TMEM150C: variants seen among roughly 807,000 people sequenced by gnomAD.
TMEM150C encodes tentonin 3.
Under a neutral mutation model 29.9 loss-of-function variants are expected in TMEM150C, and 10 were observed. The ratio of observed to expected loss-of-function variants is 0.33; its 90% confidence interval spans 0.21 to 0.57. The LOEUF (loss-of-function observed/expected upper bound fraction) is 0.57, where lower values mean the gene tolerates loss of function less well. Among genes scored for constraint, TMEM150C ranks in the 20% least tolerant of loss-of-function variants. The probability of loss-of-function intolerance (pLI) is 0.88; values close to 1 mark genes in which losing one functional copy is unlikely to be tolerated. For synonymous variants in TMEM150C, 101 were observed against 112.5 expected, an observed-to-expected ratio of 0.90 and a Z score of 0.64; for missense variants, 251 against 303.6, an observed-to-expected ratio of 0.83 and a Z score of 1.29.
intron 1 of TMEM150C, among the ~76,000 whole-genome samples, chr4:82,535,461 T>C (rs1330606612): frequency 6.6e-6 from 1 of 151,938 alleles, no homozygotes; most frequent in African/African-American, 2.4e-5. Context: ...AGTTTTGGCA[T>C]GAGATTTGGA....
chr4:82,526,800 T>C (rs1724666034), intron 1 of TMEM150C, among the ~76,000 whole-genome samples: 1 of 152,180 alleles, frequency 6.6e-6, no homozygotes, highest in Non-Finnish European at 1.5e-5. Flanking sequence ...CTTTCGATCT[T>C]TACTGATAGT....
Position 82,502,742 on chromosome 4 carries a change from T to G in TMEM150C, c.220A>C (p.Met74Leu), listed in dbSNP as rs377169352. Residue 74 changes from methionine to leucine, a missense_variant, in exon 5 of 8, where the codon ATG (methionine) becomes CTG (leucine). Physicochemically the swap from Met to Leu is conservative, Grantham distance 15. Coordinates refer to ENST00000449862, the MANE Select transcript of TMEM150C (RefSeq NM_001080506.3). ...ASCVFSQVMN[M>L]AAFLALVVAV... ...CTCTTCTTACCTAGGAAGGCTGCCA[T>G]GTTCATAACTTGACTAAACACACAG... 3.7e-6 allele frequency: 6 copies of G among 1,610,106 alleles called. No individual in the cohort carries two copies. In the African/African-American group the frequency reaches 8.0e-5, roughly 21 times the overall value.
At chr4:82,537,126 C>G (rs1209652874) in intron 1 of TMEM150C, among the ~76,000 whole-genome samples, 4 of 152,076 alleles carry the variant, frequency 2.6e-5, no homozygotes, top group South Asian at 2.1e-4. Context: ...AGACTACAGG[C>G]GCCAGCCACC....
chr4:82,485,507 T>C lies in TMEM150C; in HGVS notation c.*4A>G, dbSNP rs781520283. On this transcript the variant is annotated 3_prime_UTR_variant, in exon 8 of 8. Transcript: ENST00000449862. ...CACCTCACCAGCAAGGAAAAACTGA[T>C]GGTTTACACCTGGTCAGTCTGATAT... 3 of 1,589,624 alleles carry C rather than the reference T, an allele frequency of 1.9e-6. No homozygotes were observed. Among genetic ancestry groups the C allele is most frequent in the South Asian group, 2.3e-5 (2 of 87,216 alleles).
At chr4:82,532,943 T>C (rs1204498702) in intron 1 of TMEM150C, among the ~76,000 whole-genome samples, 1 of 152,152 alleles carries the variant, frequency 6.6e-6, no homozygotes, top group Non-Finnish European at 1.5e-5. Flanking sequence ...TTAGCCAGGA[T>C]GGTCTCGATC....
At position 82,561,987 on chromosome 4, in the gene TMEM150C, G is replaced by A. The variant is rs1431663166; in HGVS notation, c.-92C>T. 2 of 1,113,170 alleles carry A rather than the reference G, an allele frequency of 1.8e-6. No homozygotes were observed. The highest frequency in any genetic ancestry group is 1.9e-5 in the South Asian group (1 of 53,254). 69.0% of individuals were successfully genotyped at this position (1,113,170 alleles called of 1,614,324 possible). ...GCGGCGGCGGCAGCAGTAGCGGCGG[G>A]TAGGGCGCTTCCTTCAGGAAGGGGT... On this transcript the variant is annotated 5_prime_UTR_variant, in exon 1 of 8. Coordinates refer to ENST00000449862, the MANE Select transcript of TMEM150C (RefSeq NM_001080506.3).
chr4:82,511,679 C>A (rs1454125493), intron 1 of TMEM150C, among the ~76,000 whole-genome samples: 1 of 151,946 alleles, frequency 6.6e-6, no homozygotes. Context: ...ATTGCCCAGG[C>A]TGGTCCTGAA....
intron 1 of TMEM150C, among the ~76,000 whole-genome samples, chr4:82,536,672 T>C (rs1389099465): frequency 6.6e-6 from 1 of 151,552 alleles, no homozygotes; most frequent in African/African-American, 2.4e-5. Context: ...AGCCCAGGAG[T>C]TGGAGACCAG....
chr4:82,515,513 CAGATTACGAGGTCAGG>C (rs1028559180), intron 1 of TMEM150C, among the ~76,000 whole-genome samples: 5 of 151,844 alleles, frequency 3.3e-5, no homozygotes, highest in African/African-American at 1.2e-4. Flanking sequence ...CCGAGGTGGG[CAGATTACGAGGTCAGG>C]AGATGGAGAC....
chr4:82,519,023 C>T (rs1724388924), intron 1 of TMEM150C, among the ~76,000 whole-genome samples: 1 of 152,164 alleles, frequency 6.6e-6, no homozygotes, highest in Non-Finnish European at 1.5e-5. Flanking sequence ...GAAGTTGAAC[C>T]ATTAGCATTC....
intron 1 of TMEM150C, among the ~76,000 whole-genome samples, chr4:82,506,854 T>C (rs950949817): frequency 1.3e-5 from 2 of 152,130 alleles, no homozygotes; most frequent in Non-Finnish European, 2.9e-5. Flanking sequence ...GGAGTGATGA[T>C]TGAGTAAGTA....
At chr4:82,504,978 C>T (rs1006910427) in intron 1 of TMEM150C, among the ~76,000 whole-genome samples, 3 of 151,912 alleles carry the variant, frequency 2.0e-5, no homozygotes, top group African/African-American at 4.8e-5. Context: ...TGCAGTGAGC[C>T]GAGATCGCGC....
At chr4:82,507,222 A>G (rs981613763) in intron 1 of TMEM150C, among the ~76,000 whole-genome samples, 3 of 152,188 alleles carry the variant, frequency 2.0e-5, no homozygotes, top group East Asian at 3.9e-4. Context: ...AATGTTAACT[A>G]TTGTTACAAC....
chr4:82,492,864 G>GTGTATATA (rs71666742), intron 6 of TMEM150C, among the ~76,000 whole-genome samples: 43 of 90,266 alleles, frequency 4.8e-4, no homozygotes, highest in East Asian at 2.1e-3. Context: ...ATATGTTTGT[G>GTGTATATA]TATATATATA....
rs1726555005 is a variant in TMEM150C, at chr4:82,485,527, T to A, written c.734A>T (p.Gln245Leu). The part of the protein sequence containing the change: ...SESLSEASEY[Q>L]TDQV ...ACTGATGGTTTACACCTGGTCAGTC[T>A]GATATTCAGAAGCTTCTGACAGGCT... is the stretch of plus-strand genomic sequence containing the variant. The change falls in exon 8 of 8, where the codon CAG becomes CTG. Residue 245 changes from glutamine (Q) to leucine (L), a missense_variant. Gln to Leu is a moderately radical substitution (Grantham distance 113, BLOSUM62 -2). Coordinates refer to ENST00000449862, the MANE Select transcript of TMEM150C (RefSeq NM_001080506.3). 4.4e-6 allele frequency: 7 copies of A among 1,601,676 alleles called. No homozygotes were observed. Among genetic ancestry groups the A allele is most frequent in the Non-Finnish European group, 6.0e-6 (7 of 1,173,948 alleles).
At chr4:82,515,567 T>C (rs1402946981) in intron 1 of TMEM150C, among the ~76,000 whole-genome samples, 3 of 151,708 alleles carry the variant, frequency 2.0e-5, no homozygotes, top group African/African-American at 7.3e-5. Flanking sequence ...TGAAACCCCG[T>C]CTCTACTAAA....
Position 82,484,336 on chromosome 4 carries a change from G to C in TMEM150C, c.*1175C>G, listed in dbSNP as rs895933365. ...GGGTTGGCTAGCAGGGGGGCCAGCTGTGTCAATTTGGTTTTTAGGAAGGGT... is the reference window on the plus strand; with the variant it reads ...GGGTTGGCTAGCAGGGGGGCCAGCTCTGTCAATTTGGTTTTTAGGAAGGGT... On this transcript the variant is annotated 3_prime_UTR_variant, in exon 8 of 8. Coordinates refer to ENST00000449862, the MANE Select transcript of TMEM150C (RefSeq NM_001080506.3). The C allele has an allele frequency of 6.6e-6, 1 of 151,280 alleles. No homozygotes were observed. The highest frequency in any genetic ancestry group is 6.6e-5 in the Admixed American group (1 of 15,138). The allele number at this position is 151,280 out of a possible 1,614,324, so 9.4% of individuals were successfully genotyped here.
intron 1 of TMEM150C, among the ~76,000 whole-genome samples, chr4:82,533,646 T>C (rs1724920772): frequency 6.6e-6 from 1 of 152,214 alleles, no homozygotes; most frequent in Non-Finnish European, 1.5e-5. Context: ...TTTAACTCCA[T>C]CTTTTCAATA....
At position 82,490,320 on chromosome 4, in the gene TMEM150C, G is replaced by A. The variant is rs1374879825; in HGVS notation, c.364-82C>T. On this transcript the variant is annotated intron_variant, in intron 6 of 7. Transcript: ENST00000449862. ...AGTTGAAGGAATGAATATATGAGGG[G>A]AAAAGATAGGAAAAGAAATATCCCA... 12 of 1,138,056 alleles carry A rather than the reference G, an allele frequency of 1.1e-5. No homozygotes were observed. In the Admixed American group the frequency reaches 2.4e-4, roughly 23 times the overall value. The allele number at this position is 1,138,056 out of a possible 1,614,324, so 70.5% of individuals were successfully genotyped here.
Sources: gnomAD v4.1 joint callset for allele counts (sites outside exome capture counted in the v4.1 genomes callset) on GRCh38, gnomAD v4.1.1 for gene constraint, MANE v1.5 for transcripts, NCBI Gene and HGNC (gene_info 2026-07-23, HGNC 2026-07-21) for gene names.